The following MLLT3 variants were observed in gnomAD, a reference collection of about 807,000 sequenced individuals.
MLLT3 encodes the protein MLLT3 super elongation complex subunit, also known as protein AF-9.
A neutral mutation model predicts 53.2 loss-of-function variants in MLLT3; 4 were observed. The ratio of observed to expected loss-of-function variants is 0.08; its 90% CI spans 0.04 to 0.17. The LOEUF (loss-of-function observed/expected upper bound fraction) is 0.17, where lower values mean the gene tolerates loss of function less well. MLLT3 is among the 10% of genes least tolerant of loss of function. The probability of loss-of-function intolerance (pLI) is 1.00; values close to 1 mark genes in which losing one functional copy is unlikely to be tolerated. For missense variants in MLLT3, 569 were observed against 684.0 expected (o/e 0.83, Z 1.87); for synonymous variants, 283 against 230.6 (o/e 1.23, Z -2.06).
intron 2 of MLLT3, among the ~76,000 whole-genome samples, chr9:20,610,343 G>A (rs889333833): frequency 1.3e-5 from 2 of 152,094 alleles, no homozygotes; most frequent in Non-Finnish European, 2.9e-5. Flanking sequence ...GGAAAAAAGA[G>A]AAAAGAGAAA....
chr9:20,603,362 A>T (rs927414189), intron 2 of MLLT3, among the ~76,000 whole-genome samples: 3 of 151,984 alleles, frequency 2.0e-5, no homozygotes, highest in African/African-American at 7.2e-5. Flanking sequence ...CAAATCTGGC[A>T]CCCGCAACTT....
At chr9:20,383,714 G>C (rs1223671082) in intron 5 of MLLT3, among the ~76,000 whole-genome samples, 2 of 151,900 alleles carry the variant, frequency 1.3e-5, no homozygotes, top group Non-Finnish European at 2.9e-5. Context: ...TCTCCCCCAT[G>C]ATAGTCTTCC....
chr9:20,600,515 G>A (rs1391116429), intron 2 of MLLT3, among the ~76,000 whole-genome samples: 1 of 152,132 alleles, frequency 6.6e-6, no homozygotes, highest in African/African-American at 2.4e-5. Context: ...CCATCTGAGT[G>A]TTCACACTCC....
chr9:20,359,060 G>T (rs1051339250), intron 8 of MLLT3, among the ~76,000 whole-genome samples: 1 of 144,540 alleles, frequency 6.9e-6, no homozygotes, highest in Admixed American at 7.3e-5. Flanking sequence ...CAGGAGAATC[G>T]CTTGAACCCA....
intron 2 of MLLT3, among the ~76,000 whole-genome samples, chr9:20,585,613 T>C (rs989841528): frequency 3.9e-5 from 6 of 152,216 alleles, no homozygotes; most frequent in Non-Finnish European, 7.3e-5. Context: ...TCTAATGGTA[T>C]GTAGTGGTAT....
intron 2 of MLLT3, among the ~76,000 whole-genome samples, chr9:20,505,172 T>C (rs563342959): frequency 5.3e-5 from 8 of 152,268 alleles, no homozygotes; most frequent in Admixed American, 5.2e-4. Context: ...GTTGGTGAGA[T>C]GCATGTGTCA....
intron 2 of MLLT3, among the ~76,000 whole-genome samples, chr9:20,542,895 T>C (rs974268724): frequency 2.6e-5 from 4 of 152,250 alleles, no homozygotes; most frequent in African/African-American, 7.2e-5. Context: ...CTAGAGCTTC[T>C]GGATAACTTG....
In MLLT3 at chr9:20,448,345, A is replaced by G; in HGVS notation, c.277-79T>C. 7.3e-7 allele frequency: 1 copy of G among 1,375,662 alleles called. No homozygotes were observed. Among genetic ancestry groups the G allele is most frequent in the Admixed American group, 1.9e-5 (1 of 52,510 alleles). The allele number at this position is 1,375,662 out of a possible 1,614,324, so 85.2% of individuals were successfully genotyped here. A position where few individuals can be genotyped will look rare whatever the true frequency, so the allele number is the denominator to read the frequency against. ...TTTTAAAAGCAAAAATTTACTCCTC[A>G]TAAGAAATAGAAAAGAACTAAGACA... On this transcript the variant is annotated intron_variant, in intron 3 of 10. Transcript: ENST00000380338. The surrounding 1 kb of genome is among the most constrained non-coding windows in gnomAD (Gnocchi z 4.0).
At chr9:20,510,072 G>A (rs544056037) in intron 2 of MLLT3, among the ~76,000 whole-genome samples, 1 of 152,000 alleles carries the variant, frequency 6.6e-6, no homozygotes, top group South Asian at 2.1e-4. Flanking sequence ...GGCTATATTA[G>A]ATAAATATTA....
intron 10 of MLLT3, among the ~76,000 whole-genome samples, chr9:20,347,510 C>T (rs1489736717): frequency 1.3e-5 from 2 of 152,288 alleles, no homozygotes; most frequent in East Asian, 3.9e-4. Flanking sequence ...CTTGCCCTGG[C>T]TTTCAGGAGA....
At chr9:20,400,329 A>G (rs1396127905) in intron 5 of MLLT3, among the ~76,000 whole-genome samples, 1 of 152,184 alleles carries the variant, frequency 6.6e-6, no homozygotes, top group Non-Finnish European at 1.5e-5. Context: ...AAGAAATGTA[A>G]TACTTTTACA....
chr9:20,585,074 C>T (rs1819916131), intron 2 of MLLT3, among the ~76,000 whole-genome samples: 1 of 152,136 alleles, frequency 6.6e-6, no homozygotes, highest in South Asian at 2.1e-4. Flanking sequence ...TTCAGGTTGC[C>T]TTAACAAAAT....
At chr9:20,551,689 T>C (rs1818929839) in intron 2 of MLLT3, among the ~76,000 whole-genome samples, 2 of 152,208 alleles carry the variant, frequency 1.3e-5, no homozygotes, top group Non-Finnish European at 2.9e-5. Context: ...CAGTATTTAA[T>C]AGAGTGCTAA....
chr9:20,439,460 T>G (rs1823491399), intron 4 of MLLT3, among the ~76,000 whole-genome samples: 1 of 149,538 alleles, frequency 6.7e-6, no homozygotes, highest in African/African-American at 2.5e-5. Flanking sequence ...AGCTAGTACA[T>G]CATACTTCTG....
At chr9:20,584,316 A>C (rs1819889958) in intron 2 of MLLT3, among the ~76,000 whole-genome samples, 1 of 152,108 alleles carries the variant, frequency 6.6e-6, no homozygotes, top group Non-Finnish European at 1.5e-5. Flanking sequence ...GGAAGTTCCA[A>C]ACTTACCCAC....
intron 5 of MLLT3, among the ~76,000 whole-genome samples, chr9:20,381,512 T>C (rs1414723969): frequency 2.0e-5 from 3 of 151,940 alleles, no homozygotes; most frequent in Admixed American, 1.3e-4. Context: ...CTACTTATAT[T>C]AGATTATATT....
intron 2 of MLLT3, among the ~76,000 whole-genome samples, chr9:20,528,326 C>T (rs1172016725): frequency 6.6e-6 from 1 of 152,232 alleles, no homozygotes; most frequent in Non-Finnish European, 1.5e-5. Flanking sequence ...TAATCTGTTA[C>T]ACAAATATAT....
chr9:20,403,871 T>A (rs1432449608), intron 5 of MLLT3, among the ~76,000 whole-genome samples: 1 of 152,114 alleles, frequency 6.6e-6, no homozygotes, highest in African/African-American at 2.4e-5. Flanking sequence ...CAGGCTGGAG[T>A]ACAGTAGCAC....
intron 5 of MLLT3, among the ~76,000 whole-genome samples, chr9:20,373,219 T>C (rs954558482): frequency 6.6e-6 from 1 of 152,196 alleles, no homozygotes; most frequent in African/African-American, 2.4e-5. Context: ...CAACATTTGA[T>C]TGCTACTATC....
Sources: gnomAD v4.1 joint callset for allele counts (sites outside exome capture counted in the v4.1 genomes callset) on GRCh38, gnomAD v4.1.1 for gene constraint, Gnocchi (gnomAD v3.1) non-coding constraint, MANE v1.5 for transcripts, NCBI Gene and HGNC (gene_info 2026-07-23, HGNC 2026-07-21) for gene names.